Variants in ERGIC2 observed in about 807,000 individuals in gnomAD.
ERGIC2 encodes endoplasmic reticulum-Golgi intermediate compartment protein 2.
Under a neutral mutation model 52.5 loss-of-function variants are expected in ERGIC2, and 31 were observed. The ratio of observed to expected loss-of-function variants is 0.59; its 90% CI spans 0.44 to 0.80. The LOEUF is 0.80. Among genes scored for constraint, ERGIC2 ranks in the 30% least tolerant of loss-of-function variants. The probability of loss-of-function intolerance (pLI) is 0.00; values close to 1 mark genes in which losing one functional copy is unlikely to be tolerated. For synonymous variants in ERGIC2, 129 were observed against 140.6 expected, an observed-to-expected ratio of 0.92 and a Z score of 0.58; for missense variants, 395 against 455.2, an observed-to-expected ratio of 0.87 and a Z score of 1.20.
intron 13 of ERGIC2, 124 bp from the exon 14 acceptor site, chr12:29,341,342 T>C (rs1949838530): frequency 3.0e-5 from 22 of 735,854 alleles, no homozygotes; most frequent in South Asian, 3.0e-4. Context: ...TATTTCTCTC[T>C]CTCTCTCCCC....
At chr12:29,359,677 T>C (rs1940256451) in intron 6 of ERGIC2, among the ~76,000 whole-genome samples, 1 of 151,896 alleles carries the variant, frequency 6.6e-6, no homozygotes, top group African/African-American at 2.4e-5. Context: ...AGACAGCTAA[T>C]ATTCAGTGCT....
At chr12:29,353,117 G>A (rs533239569) in intron 8 of ERGIC2, among the ~76,000 whole-genome samples, 77 of 152,108 alleles carry the variant, frequency 5.1e-4, no homozygotes, top group Middle Eastern at 3.2e-3. Context: ...AAAACACCAG[G>A]CACTTTAAAA....
chr12:29,365,673 T>A (rs1940350651), intron 5 of ERGIC2, among the ~76,000 whole-genome samples: 1 of 144,580 alleles, frequency 6.9e-6, no homozygotes, highest in African/African-American at 2.5e-5. Context: ...GGCAGAAAAT[T>A]AAAAAAAAAA....
Position 29,341,795 on chromosome 12 carries a change from T to G in ERGIC2, c.1010A>C (p.Lys337Thr). ...STTGMLHGIG[K>T]FIVEIICCRF... ...ACAGCAAATTATTTCAACTATAAATTTTCCAATTCCATGTAACATGCCTGT... is the reference window on the plus strand; with the variant it reads ...ACAGCAAATTATTTCAACTATAAATGTTCCAATTCCATGTAACATGCCTGT... Residue 337 changes from lysine to threonine, a missense_variant, in exon 13 of 14, where the codon AAA (lysine) becomes ACA (threonine). By Grantham distance (78) the Lys-to-Thr change is moderately conservative. Transcript: ENST00000360150. The G allele has an allele frequency of 6.3e-7, 1 of 1,591,750 alleles. No homozygotes were observed. Among genetic ancestry groups the G allele is most frequent in the Middle Eastern group, 1.7e-4 (1 of 6,034 alleles).
intron 11 of ERGIC2, among the ~76,000 whole-genome samples, chr12:29,344,755 A>C (rs548217189): frequency 8.5e-5 from 13 of 152,262 alleles, no homozygotes; most frequent in Admixed American, 5.9e-4. Context: ...AGGAAAGCAA[A>C]ATTTTTAAAG....
chr12:29,349,303 T>C (rs3764953), intron 9 of ERGIC2, 126 bp from the exon 10 acceptor site: 137,417 of 448,650 alleles, frequency 0.31, 21,405 homozygotes, highest in East Asian at 0.37. Context: ...AGGATAATAA[T>C]ACAGTATTTT....
chr12:29,378,767 T>C (rs964018802), intron 1 of ERGIC2, among the ~76,000 whole-genome samples: 32 of 152,136 alleles, frequency 2.1e-4, no homozygotes, highest in Admixed American at 1.4e-3. Context: ...AATGTGAGTT[T>C]ATAATCAGAA....
At chr12:29,374,869 T>A (rs141876307) in intron 1 of ERGIC2, among the ~76,000 whole-genome samples, 1 of 152,150 alleles carries the variant, frequency 6.6e-6, no homozygotes, top group East Asian at 1.9e-4. Context: ...ACTGTAATAA[T>A]AAATTATCTT....
chr12:29,372,623 G>C (rs1940457716), intron 1 of ERGIC2: 1 of 152,008 alleles, frequency 6.6e-6, no homozygotes, highest in Non-Finnish European at 1.5e-5. Context: ...TACAAATTAA[G>C]GTGAAGCATC....
intron 7 of ERGIC2, 34 bp from the exon 8 acceptor site, chr12:29,356,511 T>C: frequency 8.5e-7 from 1 of 1,177,824 alleles, no homozygotes; most frequent in East Asian, 2.4e-5. Context: ...TAAAGCACAT[T>C]CAATACAGTT....
chr12:29,343,046 G>T, intron 12 of ERGIC2, 74 bp downstream of exon 12: 2 of 1,259,126 alleles, frequency 1.6e-6, no homozygotes, highest in Non-Finnish European at 2.2e-6. Flanking sequence ...TATACTTCTT[G>T]CCCCTTTGAG....
chr12:29,375,846 C>T (rs1940507696), intron 1 of ERGIC2, among the ~76,000 whole-genome samples: 2 of 152,158 alleles, frequency 1.3e-5, no homozygotes. Context: ...TCCACCAGTC[C>T]CATTCCTGAA....
Position 29,366,950 on chromosome 12 carries a change from G to A in ERGIC2, c.263-3C>T. On this transcript the variant is annotated splice_region_variant and splice_polypyrimidine_tract_variant and intron_variant, in intron 4 of 13. Coordinates refer to ENST00000360150, the MANE Select transcript of ERGIC2 (RefSeq NM_016570.3). ...ATCCAATACATCCGCTCCAACATCT[G>A]CATAGAAAAAAGAATTAGAAGTTTT... is the stretch of plus-strand genomic sequence containing the variant. 6.3e-7 allele frequency: 1 copy of A among 1,582,540 alleles called. No individual in the cohort carries two copies.
chr12:29,343,015 A>G (rs1949849868), intron 12 of ERGIC2, 105 bp downstream of exon 12: 3 of 927,880 alleles, frequency 3.2e-6, no homozygotes, highest in Non-Finnish European at 4.6e-6. Flanking sequence ...AGCTATTTAA[A>G]CACCGAAACA....
chr12:29,352,544 A>C (rs933036534), intron 8 of ERGIC2, among the ~76,000 whole-genome samples: 18 of 152,028 alleles, frequency 1.2e-4, no homozygotes, highest in Admixed American at 3.9e-4. Flanking sequence ...GCTACCTGTA[A>C]TCCCAGCTAC....
intron 6 of ERGIC2, among the ~76,000 whole-genome samples, chr12:29,359,493 G>T (rs921626485): frequency 6.6e-5 from 10 of 151,758 alleles, no homozygotes; most frequent in African/African-American, 2.4e-4. Context: ...CTACTATGAT[G>T]GCAAATTTAT....
chr12:29,340,872 A>G lies in ERGIC2; in HGVS notation c.*284T>C. 1 of 477,194 alleles carries G rather than the reference A, an allele frequency of 2.1e-6. No homozygotes were observed. The highest frequency in any genetic ancestry group is 1.8e-5 in the South Asian group (1 of 56,736). The allele number at this position is 477,194 out of a possible 1,614,324, so 29.6% of individuals were successfully genotyped here. ...AGAAGCAATGTCTGATTTTGATACC[A>G]CCCATTTGCTATGAAAATATAAGAA... On this transcript the variant is annotated 3_prime_UTR_variant, in exon 14 of 14. Transcript: ENST00000360150.
chr12:29,372,032 G>A (rs1940447845), intron 1 of ERGIC2, among the ~76,000 whole-genome samples: 1 of 152,078 alleles, frequency 6.6e-6, no homozygotes, highest in East Asian at 1.9e-4. Flanking sequence ...AAAATGGCCT[G>A]CTCATACATT....
At chr12:29,367,078 T>C (rs1375900617) in intron 4 of ERGIC2, 131 bp from the exon 5 acceptor site, 2 of 466,428 alleles carry the variant, frequency 4.3e-6, no homozygotes, top group Admixed American at 4.1e-5. Context: ...ACCAACTATG[T>C]AGAATAATTT....
Sources: allele counts gnomAD v4.1 joint callset (sites outside exome capture counted in the v4.1 genomes callset), GRCh38; gene constraint gnomAD v4.1.1; transcripts MANE v1.5; gene names NCBI Gene and HGNC (gene_info 2026-07-23, HGNC 2026-07-21).